Variants in AKAP9 observed in about 807,000 individuals in gnomAD.
AKAP9 encodes A-kinase anchoring protein 9.
In AKAP9, 311 loss-of-function variants were observed where a neutral mutation model predicts 488.5. The observed-to-expected ratio is 0.64, with a 90% CI of 0.58 to 0.70. The LOEUF (loss-of-function observed/expected upper bound fraction) is 0.70, where lower values mean the gene tolerates loss of function less well. Ranked by LOEUF, AKAP9 falls within the 30% of genes least tolerant of loss-of-function variation. AKAP9 has a pLI of 0.00. For missense variants in AKAP9, 4,215 were observed against 4,374.5 expected (o/e 0.96, Z 1.03); for synonymous variants, 1,462 against 1,483.5 (o/e 0.99, Z 0.33).
chr7:92,027,784 C>T (rs1236956531), intron 14 of AKAP9, among the ~76,000 whole-genome samples: 1 of 152,216 alleles, frequency 6.6e-6, no homozygotes, highest in Non-Finnish European at 1.5e-5. Flanking sequence ...GTGTACCCAA[C>T]AGCTCCGAAG....
In AKAP9 at chr7:91,980,095, T is replaced by A. The variant is rs757143057; in HGVS notation, c.307-194T>A. Among the ~76,000 whole-genome samples, 452 of 152,300 alleles carry A rather than the reference T, an allele frequency of 3.0e-3. 1 individual carries two copies. The highest frequency in any genetic ancestry group is 4.6e-3 in the Non-Finnish European group (310 of 68,034). On this transcript the variant is annotated intron_variant, in intron 2 of 49. Coordinates refer to ENST00000356239, the MANE Select transcript of AKAP9 (RefSeq NM_005751.5). ...ATTTAGAAAAATGCCTACTGGTACA[T>A]TTTGGTTGCATTATTTTGCCATTGT...
intron 28 of AKAP9, among the ~76,000 whole-genome samples, chr7:92,075,883 C>T (rs986255510): frequency 2.6e-5 from 4 of 152,108 alleles, no homozygotes; most frequent in East Asian, 1.9e-4. Context: ...GTGTAATCAG[C>T]GATTCCCTCT....
chr7:92,089,745 A>G, intron 38 of AKAP9: 1 of 494,988 alleles, frequency 2.0e-6, no homozygotes, highest in East Asian at 3.8e-5. Context: ...ATAAACTGCC[A>G]TTCCCCTGAT....
chr7:92,094,184 A>T (rs1398995501), intron 39 of AKAP9, among the ~76,000 whole-genome samples: 2 of 152,102 alleles, frequency 1.3e-5, no homozygotes, highest in Non-Finnish European at 1.5e-5. Flanking sequence ...GTAACAATAA[A>T]TTGCATAGTT....
At position 92,079,665 on chromosome 7, in the gene AKAP9, A is replaced by G; in HGVS notation, c.7532A>G (p.Lys2511Arg). 6.2e-7 allele frequency: 1 copy of G among 1,614,046 alleles called. No individual in the cohort carries two copies. The highest frequency in any genetic ancestry group is 8.5e-7 in the Non-Finnish European group (1 of 1,179,976). ...LLQLESTVSA[K>R]DLELTQCYKQ... ...CAACTTGAGAGCACTGTTAGTGCAAAGGACTTAGAACTTACCCAGTGTTAT... is the reference window on the plus strand; with the variant it reads ...CAACTTGAGAGCACTGTTAGTGCAAGGGACTTAGAACTTACCCAGTGTTAT... Residue 2511 changes from lysine to arginine, a missense_variant, in exon 31 of 50, where the codon AAG (lysine) becomes AGG (arginine). Transcript: ENST00000356239.
chr7:91,997,476 C>A (rs1798534292), intron 7 of AKAP9, among the ~76,000 whole-genome samples: 1 of 152,178 alleles, frequency 6.6e-6, no homozygotes, highest in Non-Finnish European at 1.5e-5. Context: ...ATAGTAGCTA[C>A]TCAATACTCA....
Position 92,083,600 on chromosome 7 carries a change from T to C in AKAP9, c.8591T>C (p.Leu2864Pro). ...KREHYVAVQL[L>P]KEECGTLKAV... Reference sequence around the variant, plus strand: ...GAACACTATGTTGCCGTTCAGTTACTGAAAGAGGAATGTGGTACCTTGAAG... The same window carrying C: ...GAACACTATGTTGCCGTTCAGTTACCGAAAGAGGAATGTGGTACCTTGAAG... The change falls in exon 33 of 50, where the codon CTG (leucine) becomes CCG (proline). Residue 2864 changes from leucine (L) to proline (P), a missense_variant. Transcript: ENST00000356239. 2 of 1,604,422 alleles carry C rather than the reference T, an allele frequency of 1.2e-6. No individual in the cohort carries two copies. Among genetic ancestry groups the C allele is most frequent in the Middle Eastern group, 1.7e-4 (1 of 5,986 alleles).
At chr7:92,036,011 AG>A (rs1343722865) in intron 16 of AKAP9, among the ~76,000 whole-genome samples, 3 of 151,096 alleles carry the variant, frequency 2.0e-5, no homozygotes, top group African/African-American at 4.9e-5. Flanking sequence ...ATTCTTTAGA[AG>A]TTTTTTTTTT....
At chr7:92,026,153 G>C (rs1363391553) in intron 14 of AKAP9, among the ~76,000 whole-genome samples, 2 of 152,002 alleles carry the variant, frequency 1.3e-5, no homozygotes, top group Non-Finnish European at 2.9e-5. Context: ...GGAAAATGAA[G>C]GTACATCATA....
At chr7:92,034,880 G>T (rs1298293690) in intron 16 of AKAP9, among the ~76,000 whole-genome samples, 1 of 151,958 alleles carries the variant, frequency 6.6e-6, no homozygotes, top group Non-Finnish European at 1.5e-5. Context: ...ATTGGCTAGA[G>T]GTTTATTGAT....
In AKAP9 at chr7:92,014,272, C is replaced by T. The variant is rs1317561631; in HGVS notation, c.3556C>T (p.Leu1186=). ...ETGDEGKPLH[L]LIGKLQKAVS... is the part of the protein sequence containing the mutation. ...AGGTGATGAAGGAAAGCCTTTACATCTGCTCATTGGAAAACTTCAAAAGGC... is the reference window on the plus strand; with the variant it reads ...AGGTGATGAAGGAAAGCCTTTACATTTGCTCATTGGAAAACTTCAAAAGGC... Residue 1186 remains leucine, a synonymous_variant, in exon 10 of 50, where the codon CTG becomes TTG. Transcript: ENST00000356239. The T allele has an allele frequency of 6.2e-7, 1 of 1,613,038 alleles. No homozygotes were observed. Among genetic ancestry groups the T allele is most frequent in the South Asian group, 1.1e-5 (1 of 91,032 alleles).
At chr7:92,063,746 G>C (rs746269268) in intron 24 of AKAP9, among the ~76,000 whole-genome samples, 11 of 152,010 alleles carry the variant, frequency 7.2e-5, no homozygotes, top group Non-Finnish European at 1.2e-4. Context: ...TTTTTGCATA[G>C]AGCTTAAAAC....
chr7:91,971,810 C>T (rs1354941430), intron 1 of AKAP9, among the ~76,000 whole-genome samples: 2 of 151,434 alleles, frequency 1.3e-5, no homozygotes, highest in East Asian at 3.9e-4. Context: ...ACCTCGTGAT[C>T]CTCCCGCCTC....
chr7:92,071,416 G>C (rs1356204954), intron 28 of AKAP9, among the ~76,000 whole-genome samples: 1 of 150,804 alleles, frequency 6.6e-6, no homozygotes, highest in African/African-American at 2.4e-5. Context: ...GTATTGCCCT[G>C]GGAGATTATA....
chr7:92,049,557 G>A (rs1807565270), intron 21 of AKAP9, among the ~76,000 whole-genome samples: 1 of 152,088 alleles, frequency 6.6e-6, no homozygotes, highest in South Asian at 2.1e-4. Context: ...CTTTCAGTGA[G>A]CGGAGATCCA....
In AKAP9 at chr7:91,977,100, A is replaced by C. The variant is rs1054349181; in HGVS notation, c.306+3132A>C. ...AAAGGGATATTCTGTCTTTACAAAA[A>C]GTAAAAAAAATTAGCCGGGCATGGT... is the stretch of plus-strand genomic sequence containing the variant. On this transcript the variant is annotated intron_variant, in intron 2 of 49. Transcript: ENST00000356239. Among the ~76,000 whole-genome samples, 8 of 151,978 alleles carry C rather than the reference A, an allele frequency of 5.3e-5. 1 individual carries two copies. The highest frequency in any genetic ancestry group is 4.1e-4 in the South Asian group (2 of 4,826).
chr7:92,030,920 T>C (rs2130755718), intron 15 of AKAP9, among the ~76,000 whole-genome samples: 1 of 152,290 alleles, frequency 6.6e-6, no homozygotes, highest in South Asian at 2.1e-4. Context: ...AGTAAGATCA[T>C]CGTTCTTCCT....
At chr7:92,089,293 G>A in intron 37 of AKAP9, 92 bp from the exon 38 acceptor site, 1 of 1,430,840 alleles carries the variant, frequency 7.0e-7, no homozygotes, top group South Asian at 1.2e-5. Context: ...TTTAGTATGT[G>A]TGTTCCATTC....
At chr7:92,074,627 G>A (rs936827345) in intron 28 of AKAP9, among the ~76,000 whole-genome samples, 2 of 152,120 alleles carry the variant, frequency 1.3e-5, no homozygotes, top group Admixed American at 6.6e-5. Context: ...GTCCATTAAT[G>A]ATAAACTGGA....
Sources: allele counts gnomAD v4.1 joint callset (sites outside exome capture counted in the v4.1 genomes callset), GRCh38; gene constraint gnomAD v4.1.1; transcripts MANE v1.5; gene names NCBI Gene and HGNC (gene_info 2026-07-23, HGNC 2026-07-21).